Variants in DSCAM observed in about 807,000 individuals in gnomAD.
DSCAM encodes the protein DS cell adhesion molecule.
In DSCAM, 47 loss-of-function variants were observed where a neutral mutation model predicts 217.7. The ratio of observed to expected loss-of-function variants is 0.22; its 90% CI spans 0.17 to 0.28. The LOEUF is 0.28. Among genes scored for constraint, DSCAM ranks in the 10% least tolerant of loss-of-function variants. The pLI, the probability that DSCAM is intolerant of heterozygous loss-of-function variation, is 1.00. For synonymous variants in DSCAM, 1,056 were observed against 1,015.3 expected (o/e 1.04, Z -0.76); for missense variants, 2,080 against 2,618.3 (o/e 0.79, Z 4.49).
At chr21:40,214,193 C>G (rs113957311) in intron 11 of DSCAM, among the ~76,000 whole-genome samples, 1,591 of 152,320 alleles carry the variant, frequency 0.01, 16 homozygotes, top group Non-Finnish European at 0.017. Flanking sequence ...TGCTTTCTCT[C>G]CAACTAGTCA....
chr21:40,723,083 T>A (rs2090918752), intron 1 of DSCAM, among the ~76,000 whole-genome samples: 1 of 146,472 alleles, frequency 6.8e-6, no homozygotes, highest in African/African-American at 2.6e-5. Flanking sequence ...GCTGGGTCTC[T>A]CTCGCTCTTT....
chr21:40,133,838 C>T lies in DSCAM; in HGVS notation c.3562+16G>A, dbSNP rs772766958. On this transcript the variant is annotated intron_variant, in intron 19 of 32. Coordinates refer to ENST00000400454, the MANE Select transcript of DSCAM (RefSeq NM_001389.5). The stretch of plus-strand genomic sequence containing the variant: ...TTCCAGCAACTGCTGGGACCCACCG[C>T]CCACCCGTCTCTCACCATCCTCTTT... 6.3e-7 allele frequency: 1 copy of T among 1,587,758 alleles called. No homozygotes were observed. The highest frequency in any genetic ancestry group is 2.3e-5 in the East Asian group (1 of 44,130).
At chr21:40,484,022 C>CCG (rs2076004464) in intron 3 of DSCAM, among the ~76,000 whole-genome samples, 1 of 152,196 alleles carries the variant, frequency 6.6e-6, no homozygotes, top group Non-Finnish European at 1.5e-5. Context: ...ACTGTTAATT[C>CCG]TACGGGGCAG....
At chr21:40,059,293 AG>A (rs1192489335) in intron 28 of DSCAM, among the ~76,000 whole-genome samples, 1 of 152,248 alleles carries the variant, frequency 6.6e-6, no homozygotes, top group Non-Finnish European at 1.5e-5. Flanking sequence ...ATTATATGTT[AG>A]CTCTCTACAG....
intron 10 of DSCAM, among the ~76,000 whole-genome samples, chr21:40,291,660 C>A (rs1569045010): frequency 6.6e-6 from 1 of 152,230 alleles, no homozygotes; most frequent in Non-Finnish European, 1.5e-5. Flanking sequence ...AGGACAGGAG[C>A]ACAGGACTCA....
At chr21:40,762,911 C>G (rs2091349490) in intron 1 of DSCAM, among the ~76,000 whole-genome samples, 1 of 152,172 alleles carries the variant, frequency 6.6e-6, no homozygotes, top group Admixed American at 6.5e-5. Context: ...GCTAAAAACT[C>G]TCAATAAACT....
chr21:40,358,505 C>T (rs1224542025), intron 4 of DSCAM, among the ~76,000 whole-genome samples: 1 of 152,068 alleles, frequency 6.6e-6, no homozygotes, highest in Non-Finnish European at 1.5e-5. Context: ...ACATAATAAA[C>T]TTCTTCAAAA....
chr21:40,220,577 G>A (rs2091281393), intron 11 of DSCAM, among the ~76,000 whole-genome samples: 2 of 152,244 alleles, frequency 1.3e-5, no homozygotes, highest in South Asian at 2.1e-4. Flanking sequence ...GAAATTTGAT[G>A]TTATGCAAAC....
chr21:40,631,104 A>C (rs947353138), intron 3 of DSCAM, among the ~76,000 whole-genome samples: 1 of 152,240 alleles, frequency 6.6e-6, no homozygotes, highest in South Asian at 2.1e-4. Flanking sequence ...GTATGCCAGC[A>C]ATGAACCTTC....
intron 1 of DSCAM, among the ~76,000 whole-genome samples, chr21:40,845,278 A>C (rs1228991768): frequency 6.6e-6 from 1 of 152,198 alleles, no homozygotes; most frequent in Admixed American, 6.5e-5. Context: ...TCATTTTGAT[A>C]GTACCTTCTT....
At chr21:40,277,879 A>G (rs1055147845) in intron 10 of DSCAM, among the ~76,000 whole-genome samples, 5 of 151,450 alleles carry the variant, frequency 3.3e-5, no homozygotes, top group African/African-American at 1.2e-4. Flanking sequence ...AAAAAAAAAA[A>G]AAAAGAAAAA....
At chr21:40,658,736 T>C (rs1245820101) in intron 3 of DSCAM, among the ~76,000 whole-genome samples, 1 of 151,318 alleles carries the variant, frequency 6.6e-6, no homozygotes, top group African/African-American at 2.4e-5. Flanking sequence ...GGAAGAAAAA[T>C]AAAAACAGAT....
chr21:40,078,743 T>A lies in DSCAM; in HGVS notation c.4655A>T (p.Asn1552Ile). 6.2e-7 allele frequency: 1 copy of A among 1,614,218 alleles called. No homozygotes were observed. The highest frequency in any genetic ancestry group is 8.5e-7 in the Non-Finnish European group (1 of 1,180,050). Reference protein sequence around the residue: ...TWYELQMRVCNSAGCAEKQAN... With the variant: ...TWYELQMRVCISAGCAEKQAN... Reference sequence around the variant, plus strand: ...CTGCTTCTCCGCGCAGCCCGCACTGTTGCACACCCGCATCTGCAGCTCATA... The same window carrying A: ...CTGCTTCTCCGCGCAGCCCGCACTGATGCACACCCGCATCTGCAGCTCATA... The change falls in exon 26 of 33, where the codon AAC becomes ATC. Residue 1552 changes from asparagine to isoleucine, a missense_variant. Physicochemically the swap from Asn to Ile is moderately radical, Grantham distance 149. Transcript: ENST00000400454.
At chr21:40,181,225 TTA>T (rs777174046) in intron 14 of DSCAM, among the ~76,000 whole-genome samples, 1 of 60,116 alleles carries the variant, frequency 1.7e-5, no homozygotes, top group African/African-American at 7.6e-5. Context: ...CTAGTTATAT[TTA>T]TATCTCAATT....
In DSCAM at chr21:40,124,311, C is replaced by A; in HGVS notation, c.3580G>T (p.Gly1194Cys). The stretch of plus-strand genomic sequence containing the variant: ...GCTGAGGCCGCCGCTGCCTTCACAC[C>A]CGCGGGAGGACCTGGAACTGGAAGA... ...TKEDVPGPPAGVKAAAASASM... is the reference protein window; with the variant it reads ...TKEDVPGPPACVKAAAASASM... The change falls in exon 20 of 33, where the codon GGT becomes TGT. Residue 1194 changes from glycine (G) to cysteine (C), a missense_variant. Around this residue, in one of 5 missense-constraint regions of DSCAM, gnomAD observed 1,144 missense variants for 1,421.1 expected, o/e 0.81. Coordinates refer to ENST00000400454, the MANE Select transcript of DSCAM (RefSeq NM_001389.5). 2 of 1,613,970 alleles carry A rather than the reference C, an allele frequency of 1.2e-6. No individual in the cohort carries two copies. The highest frequency in any genetic ancestry group is 1.7e-6 in the Non-Finnish European group (2 of 1,180,028).
intron 1 of DSCAM, among the ~76,000 whole-genome samples, chr21:40,823,348 T>A (rs575822480): frequency 6.6e-6 from 1 of 151,914 alleles, no homozygotes; most frequent in South Asian, 2.1e-4. Context: ...ATGTGAAATA[T>A]GAAATGAATT....
intron 11 of DSCAM, among the ~76,000 whole-genome samples, chr21:40,202,282 T>G (rs748547731): frequency 7.0e-4 from 106 of 152,192 alleles, no homozygotes; most frequent in Non-Finnish European, 1.3e-3. Flanking sequence ...AGACACAGAG[T>G]TGTCATGTCT....
At chr21:40,220,217 T>C (rs11908752) in intron 11 of DSCAM, among the ~76,000 whole-genome samples, 10,974 of 152,204 alleles carry the variant, frequency 0.072, 666 homozygotes, top group African/African-American at 0.16. Context: ...TTGTGTACAC[T>C]TGAGGGAGAG....
chr21:40,361,933 C>T (rs924779410), intron 4 of DSCAM, among the ~76,000 whole-genome samples: 2 of 152,128 alleles, frequency 1.3e-5, no homozygotes, highest in African/African-American at 4.8e-5. Flanking sequence ...TTTGACTTGG[C>T]TTTTTAAAGA....
Sources: gnomAD v4.1 joint callset for allele counts (sites outside exome capture counted in the v4.1 genomes callset) on GRCh38, gnomAD v4.1.1 for gene constraint, gnomAD v4.1.1 regional missense constraint, MANE v1.5 for transcripts, NCBI Gene and HGNC (gene_info 2026-07-23, HGNC 2026-07-21) for gene names.